OCA2: variants seen among roughly 807,000 people sequenced by gnomAD.
The protein encoded by OCA2 is OCA2 melanosomal transmembrane protein.
OCA2 carries 77 observed loss-of-function variants against 100.2 expected under a neutral mutation model. That is an observed-to-expected ratio of 0.77 (90% CI 0.64 to 0.93). The LOEUF (loss-of-function observed/expected upper bound fraction) is 0.93, where lower values mean the gene tolerates loss of function less well. OCA2 is among the 40% of genes least tolerant of loss of function. The pLI is 0.00. For synonymous variants in OCA2, 432 were observed against 439.2 expected (o/e 0.98, Z 0.21); for missense variants, 1,062 against 1,089.1 (o/e 0.98, Z 0.35).
intron 12 of OCA2, 70 bp from the exon 13 acceptor site, chr15:27,985,258 T>C: frequency 1.3e-6 from 2 of 1,580,836 alleles, no homozygotes; most frequent in African/African-American, 2.7e-5. Flanking sequence ...CAGCCTTTCA[T>C]TAGTGACTTT....
chr15:27,879,754 C>A (rs894678171), intron 19 of OCA2, among the ~76,000 whole-genome samples: 3 of 151,872 alleles, frequency 2.0e-5, no homozygotes, highest in African/African-American at 7.3e-5. Context: ...GATATTAGAC[C>A]TTTGTCAGAT....
At chr15:27,967,744 C>T (rs911995951) in intron 14 of OCA2, among the ~76,000 whole-genome samples, 1 of 152,210 alleles carries the variant, frequency 6.6e-6, no homozygotes, top group Non-Finnish European at 1.5e-5. Context: ...GGGCTCTGCA[C>T]GTGGCCGGCC....
At chr15:27,777,123 C>T (rs1000672570) in intron 23 of OCA2, among the ~76,000 whole-genome samples, 2 of 152,030 alleles carry the variant, frequency 1.3e-5, no homozygotes, top group Non-Finnish European at 2.9e-5. Context: ...AGTTTACAGG[C>T]GAGCATTGGC....
intron 21 of OCA2, among the ~76,000 whole-genome samples, chr15:27,860,501 G>T (rs896167950): frequency 3.3e-5 from 5 of 152,084 alleles, no homozygotes; most frequent in African/African-American, 4.8e-5. Context: ...CCTTCTTTGT[G>T]TCATATGTAC....
chr15:27,753,985 T>C (rs1369503306), downstream of OCA2, among the ~76,000 whole-genome samples: 1 of 151,988 alleles, frequency 6.6e-6, no homozygotes, highest in East Asian at 1.9e-4. Context: ...TGCTTTTCAG[T>C]GACCGGCTCA....
intron 22 of OCA2, 41 bp from the exon 23 acceptor site, chr15:27,845,093 G>T: frequency 7.0e-6 from 10 of 1,419,528 alleles, no homozygotes; most frequent in Non-Finnish European, 1.0e-5. Context: ...GTTCATCTTG[G>T]TGGTAAGCTT....
At chr15:27,832,001 A>C in intron 23 of OCA2, among the ~76,000 whole-genome samples, 3 of 148,224 alleles carry the variant, frequency 2.0e-5, no homozygotes, top group Non-Finnish European at 4.5e-5. Context: ...CTCCCTGAGC[A>C]TTCACCACCC....
intron 18 of OCA2, among the ~76,000 whole-genome samples, chr15:27,937,017 CCT>C (rs1294558969): frequency 6.6e-6 from 1 of 152,094 alleles, no homozygotes; most frequent in East Asian, 1.9e-4. Flanking sequence ...CTTTCCCCTC[CCT>C]CTCTCTTCAC....
At chr15:27,730,547 G>C in the OCA2 span, among the ~76,000 whole-genome samples, 1 of 151,780 alleles carries the variant, frequency 6.6e-6, no homozygotes, top group African/African-American at 2.4e-5. Flanking sequence ...CCCAAGGTTG[G>C]GGGCTGGACT....
At chr15:27,867,844 C>T (rs1437859589) in intron 21 of OCA2, among the ~76,000 whole-genome samples, 1 of 152,212 alleles carries the variant, frequency 6.6e-6, no homozygotes, top group Non-Finnish European at 1.5e-5. Context: ...CATTTCATCT[C>T]CTTTGCTGCA....
intron 23 of OCA2, among the ~76,000 whole-genome samples, chr15:27,770,714 C>T (rs1425146954): frequency 1.3e-5 from 2 of 152,210 alleles, no homozygotes; most frequent in East Asian, 1.9e-4. Flanking sequence ...CTCTTTCCCG[C>T]TCCTTTCTTA....
chr15:27,878,427 C>A (rs1400788312), intron 19 of OCA2, among the ~76,000 whole-genome samples: 1 of 152,128 alleles, frequency 6.6e-6, no homozygotes, highest in Non-Finnish European at 1.5e-5. Flanking sequence ...TTTCCTCCAT[C>A]TGAGAATGTC....
In OCA2 at chr15:27,807,546, C is replaced by T. The variant is rs571722225; in HGVS notation, c.2432+37413G>A. On this transcript the variant is annotated intron_variant, in intron 23 of 23. Coordinates refer to ENST00000354638, the MANE Select transcript of OCA2 (RefSeq NM_000275.3). Reference sequence around the variant, plus strand: ...ACCTTCGTCCCCTCCTCAGACAACCCGTGCTGCCTTCACTTGGGCAGATGG... The same window carrying T: ...ACCTTCGTCCCCTCCTCAGACAACCTGTGCTGCCTTCACTTGGGCAGATGG... Among the ~76,000 whole-genome samples, 264 of 152,272 alleles carry T rather than the reference C, an allele frequency of 1.7e-3. 3 individuals are homozygous for T. Among genetic ancestry groups the T allele is most frequent in the African/African-American group, 6.2e-3 (258 of 41,560 alleles).
At chr15:27,761,438 C>T (rs1210106639) in intron 23 of OCA2, among the ~76,000 whole-genome samples, 4 of 150,202 alleles carry the variant, frequency 2.7e-5, no homozygotes, top group Non-Finnish European at 1.5e-5. Flanking sequence ...CATCTGTGTG[C>T]TGTAAGTTAC....
intron 21 of OCA2, among the ~76,000 whole-genome samples, chr15:27,867,270 G>T (rs554363263): frequency 1.3e-5 from 2 of 152,240 alleles, no homozygotes; most frequent in East Asian, 1.9e-4. Context: ...GGATGCGGAG[G>T]TATGATGTAT....
the OCA2 span, among the ~76,000 whole-genome samples, chr15:27,721,862 T>C: frequency 6.6e-6 from 1 of 152,218 alleles, no homozygotes; most frequent in Non-Finnish European, 1.5e-5. Flanking sequence ...AGAGAAAATA[T>C]GGTGGGGGAA....
At chr15:28,024,766 G>A in intron 5 of OCA2, 79 bp downstream of exon 5, 1 of 1,455,606 alleles carries the variant, frequency 6.9e-7, no homozygotes. Context: ...CACACCTCAG[G>A]TTCCCCCTGC....
chr15:27,723,977 C>G, the OCA2 span, among the ~76,000 whole-genome samples: 1 of 152,186 alleles, frequency 6.6e-6, no homozygotes, highest in African/African-American at 2.4e-5. Context: ...CTGCCGTCAG[C>G]TCCTATGTCC....
At chr15:27,841,793 T>TA (rs1034543212) in intron 23 of OCA2, among the ~76,000 whole-genome samples, 4 of 152,344 alleles carry the variant, frequency 2.6e-5, no homozygotes, top group African/African-American at 9.6e-5. Context: ...TCAGTGTTTA[T>TA]ACAGAAAGAG....
Sources: allele counts gnomAD v4.1 joint callset (sites outside exome capture counted in the v4.1 genomes callset), GRCh38; gene constraint gnomAD v4.1.1; transcripts MANE v1.5; gene names NCBI Gene and HGNC (gene_info 2026-07-23, HGNC 2026-07-21).